Variants in ZCCHC4 observed in about 807,000 individuals in gnomAD.
ZCCHC4 encodes rRNA N(6)-adenosine-methyltransferase ZCCHC4.
ZCCHC4 carries 54 observed loss-of-function variants against 67.7 expected under a neutral mutation model. That is an observed-to-expected ratio of 0.80 (90% CI 0.64 to 1.00). The LOEUF is 1.00. ZCCHC4 is among the 50% of genes least tolerant of loss of function. The pLI is 0.00. For synonymous variants in ZCCHC4, 198 were observed against 213.5 expected (o/e 0.93, Z 0.63); for missense variants, 609 against 617.0 (o/e 0.99, Z 0.14).
intron 4 of ZCCHC4, 137 bp downstream of exon 4, chr4:25,333,595 C>G: frequency 1.0e-6 from 1 of 993,820 alleles, no homozygotes; most frequent in Non-Finnish European, 1.5e-6. Context: ...CACAGTCCCT[C>G]TCTTAAGGAG....
rs1418307158 is a variant in ZCCHC4, at chr4:25,345,573, A to G, written c.712A>G (p.Ser238Gly). The G allele has an allele frequency of 6.4e-7, 1 of 1,567,078 alleles. No individual in the cohort carries two copies. The highest frequency in any genetic ancestry group is 1.7e-5 in the Admixed American group (1 of 59,006). The change falls in exon 6 of 13, where the codon AGC becomes GGC. Residue 238 changes from serine to glycine, a missense_variant. By Grantham distance (56) the Ser-to-Gly change is moderately conservative. Coordinates refer to ENST00000302874, the MANE Select transcript of ZCCHC4 (RefSeq NM_024936.3). ...GTATTCACAGTTTTATATGGAAGATAGCTTTTGCCATTATAATATGTTTAA... is the reference window on the plus strand; with the variant it reads ...GTATTCACAGTTTTATATGGAAGATGGCTTTTGCCATTATAATATGTTTAA... The part of the protein sequence containing the change: ...FRYSQFYMED[S>G]FCHYNMFNHH...
At chr4:25,365,666 T>C in intron 12 of ZCCHC4, 1 of 984,886 alleles carries the variant, frequency 1.0e-6, no homozygotes, top group East Asian at 1.1e-4. Context: ...TGCTTAAATA[T>C]TTGAAATTTT....
intron 3 of ZCCHC4, among the ~76,000 whole-genome samples, chr4:25,323,091 G>A (rs979666051): frequency 1.4e-4 from 22 of 152,170 alleles, no homozygotes; most frequent in African/African-American, 5.1e-4. Flanking sequence ...GGTATTAGCC[G>A]GCAATAAACC....
chr4:25,355,386 G>A (rs1720477801), intron 8 of ZCCHC4, among the ~76,000 whole-genome samples: 1 of 152,184 alleles, frequency 6.6e-6, no homozygotes, highest in African/African-American at 2.4e-5. Context: ...AGAATTTGTT[G>A]AGAATACCAG....
intron 10 of ZCCHC4, among the ~76,000 whole-genome samples, chr4:25,363,568 C>T: frequency 6.6e-6 from 1 of 152,102 alleles, no homozygotes; most frequent in Non-Finnish European, 1.5e-5. Flanking sequence ...AATTATTCTC[C>T]AAAGAAGAGG....
intron 9 of ZCCHC4, 59 bp downstream of exon 9, chr4:25,362,039 C>A (rs1454910206): frequency 4.5e-6 from 7 of 1,565,600 alleles, no homozygotes; most frequent in Non-Finnish European, 6.1e-6. Context: ...TTACATATAT[C>A]CATCAGTCAA....
chr4:25,322,304 G>A (rs1560398792), intron 3 of ZCCHC4, among the ~76,000 whole-genome samples: 1 of 151,996 alleles, frequency 6.6e-6, no homozygotes, highest in Non-Finnish European at 1.5e-5. Flanking sequence ...CACCTCAAAA[G>A]GAAACCTCAT....
At chr4:25,348,059 T>A (rs1203851819) in intron 6 of ZCCHC4, among the ~76,000 whole-genome samples, 8 of 152,232 alleles carry the variant, frequency 5.3e-5, no homozygotes, top group African/African-American at 1.7e-4. Context: ...CATCATTTAC[T>A]TGTATAATTT....
chr4:25,350,062 T>C (rs944410851), intron 7 of ZCCHC4, among the ~76,000 whole-genome samples: 15 of 151,974 alleles, frequency 9.9e-5, no homozygotes, highest in African/African-American at 2.7e-4. Flanking sequence ...CCCAGAACAC[T>C]AAGAGGGCAC....
At chr4:25,360,335 G>A (rs1000780665) in intron 8 of ZCCHC4, among the ~76,000 whole-genome samples, 2 of 152,228 alleles carry the variant, frequency 1.3e-5, no homozygotes, top group African/African-American at 4.8e-5. Flanking sequence ...AGTTGACCGG[G>A]GCACCCATTT....
chr4:25,364,375 C>T (rs1362968315), intron 10 of ZCCHC4, 79 bp from the exon 11 acceptor site: 9 of 1,094,236 alleles, frequency 8.2e-6, no homozygotes, highest in African/African-American at 8.2e-5. Flanking sequence ...TTTAATAAGA[C>T]ATTTTAATTT....
intron 5 of ZCCHC4, among the ~76,000 whole-genome samples, chr4:25,335,636 T>C (rs1719421622): frequency 6.6e-6 from 1 of 152,102 alleles, no homozygotes; most frequent in Non-Finnish European, 1.5e-5. Flanking sequence ...GGTACGTGCC[T>C]ATAGTCCCAG....
intron 3 of ZCCHC4, among the ~76,000 whole-genome samples, chr4:25,318,048 T>C (rs1718363957): frequency 6.6e-6 from 1 of 152,208 alleles, no homozygotes; most frequent in Admixed American, 6.5e-5. Context: ...AATAGAGTAT[T>C]GAAGACGGAG....
chr4:25,360,829 C>G (rs115856095), intron 8 of ZCCHC4, among the ~76,000 whole-genome samples: 1,690 of 152,300 alleles, frequency 0.011, 41 homozygotes, highest in African/African-American at 0.038. Context: ...TGGGTCTAGC[C>G]AAGGTGCTAC....
intron 6 of ZCCHC4, among the ~76,000 whole-genome samples, chr4:25,348,053 A>G (rs974979427): frequency 4.6e-5 from 7 of 152,200 alleles, no homozygotes; most frequent in African/African-American, 1.7e-4. Context: ...GTTAGACATC[A>G]TTTACTTGTA....
chr4:25,357,503 G>T (rs967133183), intron 8 of ZCCHC4, among the ~76,000 whole-genome samples: 1 of 152,122 alleles, frequency 6.6e-6, no homozygotes, highest in African/African-American at 2.4e-5. Flanking sequence ...TGTCCCTTGG[G>T]TCTCCTCATC....
chr4:25,342,254 C>A (rs973654494), intron 5 of ZCCHC4, among the ~76,000 whole-genome samples: 1 of 151,936 alleles, frequency 6.6e-6, no homozygotes, highest in Non-Finnish European at 1.5e-5. Context: ...CTCATAAAGA[C>A]CACAGTTAAA....
intron 3 of ZCCHC4, among the ~76,000 whole-genome samples, chr4:25,324,014 G>GTTTTTTTTTTTTGTTTTTTTTTTTTTT (rs1553895904): frequency 1.2e-5 from 1 of 82,442 alleles, no homozygotes; most frequent in African/African-American, 5.2e-5. Flanking sequence ...TGTTTTTTGT[G>GTTTTTTTTTTTTGTTTTTTTTTTTTTT]TTTTTTTTTT....
chr4:25,347,424 C>T (rs758049413), intron 6 of ZCCHC4, among the ~76,000 whole-genome samples: 4 of 152,172 alleles, frequency 2.6e-5, no homozygotes, highest in Non-Finnish European at 5.9e-5. Context: ...AAGATTGAGC[C>T]CCACTTTATC....
Sources: allele counts gnomAD v4.1 joint callset (sites outside exome capture counted in the v4.1 genomes callset), GRCh38; gene constraint gnomAD v4.1.1; transcripts MANE v1.5; gene names NCBI Gene and HGNC (gene_info 2026-07-23, HGNC 2026-07-21).